LINGO2: variants seen among roughly 807,000 people sequenced by gnomAD.
LINGO2 encodes leucine rich repeat and Ig domain containing 2, also known as leucine-rich repeat and immunoglobulin-like domain-containing nogo receptor-interacting protein 2.
In LINGO2, 14 loss-of-function variants were observed where a neutral mutation model predicts 30.6. The observed-to-expected ratio is 0.46, with a 90% CI of 0.30 to 0.72. The LOEUF is 0.72. LINGO2 is among the 30% of genes least tolerant of loss of function. The pLI is 0.07. For synonymous variants in LINGO2, 317 were observed against 288.5 expected, an observed-to-expected ratio of 1.10 and a Z score of -1.00; for missense variants, 729 against 751.7, an observed-to-expected ratio of 0.97 and a Z score of 0.35.
intron 3 of LINGO2, among the ~76,000 whole-genome samples, chr9:28,341,166 C>T (rs1295765304): frequency 1.3e-5 from 2 of 151,968 alleles, no homozygotes; most frequent in Non-Finnish European, 2.9e-5. Flanking sequence ...ATAGATATGC[C>T]TGGGCCATTT....
chr9:28,341,756 C>G (rs1486626396), intron 3 of LINGO2, among the ~76,000 whole-genome samples: 1 of 152,076 alleles, frequency 6.6e-6, no homozygotes, highest in Non-Finnish European at 1.5e-5. Flanking sequence ...GATAAGTATC[C>G]TAGACTGGCC....
At chr9:28,486,420 G>T (rs1826165095) in intron 1 of LINGO2, among the ~76,000 whole-genome samples, 1 of 151,972 alleles carries the variant, frequency 6.6e-6, no homozygotes, top group Non-Finnish European at 1.5e-5. Context: ...CAAAAACTAG[G>T]GTTCCTTTGT....
At chr9:27,948,236 C>A (rs952050543) in exon 6 of LINGO2, 1 of 152,194 alleles carries the variant, frequency 6.6e-6, no homozygotes, top group African/African-American at 2.4e-5. Flanking sequence ...GTCTCAGGGT[C>A]ATCTGTAGGT....
In LINGO2 at chr9:28,556,176, T is replaced by C. The variant is rs536710564; in HGVS notation, c.-364-80151A>G. Among the ~76,000 whole-genome samples the C allele has an allele frequency of 8.6e-3, 1,311 of 151,978 alleles. 21 individuals are homozygous for C. Among genetic ancestry groups the C allele is most frequent in the African/African-American group, 0.029 (1,222 of 41,478 alleles). On this transcript the variant is annotated intron_variant, in intron 1 of 5. Coordinates refer to ENST00000379992, the Ensembl canonical transcript of LINGO2. ...TTAGGCAGGAGAAGGAAATAAAGGG[T>C]ATTCAATTAGGAAAAGAGGAAGTCA... is the stretch of plus-strand genomic sequence containing the variant.
At chr9:28,213,531 T>C (rs1040706506) in intron 4 of LINGO2, among the ~76,000 whole-genome samples, 1 of 151,502 alleles carries the variant, frequency 6.6e-6, no homozygotes, top group East Asian at 1.9e-4. Flanking sequence ...TAGTGACTTA[T>C]TAAGAAGCAA....
the LINGO2 span, among the ~76,000 whole-genome samples, chr9:29,150,678 C>G: frequency 6.6e-6 from 1 of 152,078 alleles, no homozygotes; most frequent in African/African-American, 2.4e-5. Context: ...TCTCAGAGCT[C>G]GAAGACCAGT....
chr9:28,057,189 C>A (rs1376264561), intron 4 of LINGO2, among the ~76,000 whole-genome samples: 1 of 152,040 alleles, frequency 6.6e-6, no homozygotes. Flanking sequence ...GCTGGCTACA[C>A]TATTTTTTTC....
chr9:28,431,029 TGAGAGAGAGA>T lies in LINGO2; in HGVS notation c.-279+44901_-279+44910del, dbSNP rs57751993. Among the ~76,000 whole-genome samples, 65 of 129,450 alleles carry T rather than the reference TGAGAGAGAGA, an allele frequency of 5.0e-4. No individual in the cohort carries two copies. The East Asian group carries it at 8.2e-3, about 16-fold the overall frequency. 84.9% of individuals were successfully genotyped at this position (129,450 alleles called of 152,430 possible). ...AACTTGCTTACTACAGCATGAGTGA[TGAGAGAGAGA>T]GAGAGAGAGAGAGAGAGAGAGAGAG... is the stretch of plus-strand genomic sequence containing the variant. On this transcript the variant is annotated intron_variant, in intron 2 of 5. Transcript: ENST00000379992.
chr9:28,496,186 C>T (rs569241932), intron 1 of LINGO2, among the ~76,000 whole-genome samples: 1 of 152,038 alleles, frequency 6.6e-6, no homozygotes, highest in African/African-American at 2.4e-5. Context: ...CTGCTTGGTG[C>T]AGAGCTGAGT....
the LINGO2 span, among the ~76,000 whole-genome samples, chr9:28,923,065 C>T: frequency 7.2e-5 from 11 of 152,222 alleles, no homozygotes; most frequent in Admixed American, 2.6e-4. Flanking sequence ...GAAAGAAATG[C>T]GGCACTAGAA....
At chr9:29,081,585 A>T in the LINGO2 span, among the ~76,000 whole-genome samples, 1 of 152,142 alleles carries the variant, frequency 6.6e-6, no homozygotes, top group Non-Finnish European at 1.5e-5. Context: ...TGGCTAGGGG[A>T]ATCAGGCAGG....
At chr9:28,578,299 G>A (rs71513905) in intron 1 of LINGO2, among the ~76,000 whole-genome samples, 12,925 of 152,080 alleles carry the variant, frequency 0.085, 716 homozygotes, top group East Asian at 0.18. Flanking sequence ...GGGTAATGGG[G>A]TGGCAGATCC....
intron 4 of LINGO2, among the ~76,000 whole-genome samples, chr9:28,075,972 T>C (rs73643295): frequency 0.07 from 10,721 of 152,074 alleles, 1,137 homozygotes; most frequent in African/African-American, 0.23. Flanking sequence ...AAATATGCCT[T>C]TTTCCCATAT....
chr9:28,790,417 C>T, the LINGO2 span, among the ~76,000 whole-genome samples: 4 of 146,922 alleles, frequency 2.7e-5, no homozygotes, highest in South Asian at 9.0e-4. Context: ...AAAGCTCCGC[C>T]TCCCGGGTTC....
the LINGO2 span, among the ~76,000 whole-genome samples, chr9:29,070,702 T>G: frequency 6.6e-6 from 1 of 151,254 alleles, no homozygotes; most frequent in Non-Finnish European, 1.5e-5. Context: ...CTCTCAACTC[T>G]CTGAACATTA....
intron 4 of LINGO2, among the ~76,000 whole-genome samples, chr9:28,015,772 T>C (rs1261828705): frequency 6.8e-6 from 1 of 147,652 alleles, no homozygotes; most frequent in Non-Finnish European, 1.5e-5. Context: ...GAGACTCAGG[T>C]GATAATCCCA....
At chr9:28,480,059 A>G (rs2135215897) in intron 1 of LINGO2, among the ~76,000 whole-genome samples, 1 of 150,198 alleles carries the variant, frequency 6.7e-6, no homozygotes, top group Middle Eastern at 3.5e-3. Flanking sequence ...TAATGCTATG[A>G]TTTCTGTGAG....
the LINGO2 span, among the ~76,000 whole-genome samples, chr9:29,154,626 C>T: frequency 3.3e-5 from 5 of 152,082 alleles, no homozygotes; most frequent in East Asian, 7.7e-4. Context: ...TATTCAAGAG[C>T]CCAATTTACT....
chr9:28,246,087 C>T (rs1821988146), intron 4 of LINGO2, among the ~76,000 whole-genome samples: 1 of 152,068 alleles, frequency 6.6e-6, no homozygotes, highest in Non-Finnish European at 1.5e-5. Flanking sequence ...GGTACTGGTA[C>T]CAAAACAGAC....
Sources: gnomAD v4.1 joint callset for allele counts (sites outside exome capture counted in the v4.1 genomes callset) on GRCh38, gnomAD v4.1.1 for gene constraint, MANE v1.5 for transcripts, NCBI Gene and HGNC (gene_info 2026-07-23, HGNC 2026-07-21) for gene names.